Variants in CAMK1D observed in about 807,000 individuals in gnomAD.
CAMK1D encodes the protein calcium/calmodulin-dependent protein kinase type 1D.
Under a neutral mutation model 47.7 loss-of-function variants are expected in CAMK1D, and 9 were observed. The observed-to-expected ratio is 0.19, with a 90% CI of 0.11 to 0.33. The LOEUF is 0.33. Ranked by LOEUF, CAMK1D falls within the 10% of genes least tolerant of loss-of-function variation. The pLI is 1.00. For synonymous variants in CAMK1D, 184 were observed against 184.9 expected (o/e 0.99, Z 0.04); for missense variants, 291 against 488.7 (o/e 0.60, Z 3.81).
chr10:12,811,473 T>C (rs1588956461), intron 6 of CAMK1D, among the ~76,000 whole-genome samples: 1 of 152,212 alleles, frequency 6.6e-6, no homozygotes. Flanking sequence ...AATCCTTACT[T>C]TTAAATCTTT....
chr10:12,759,194 C>T (rs1305647198), intron 3 of CAMK1D, among the ~76,000 whole-genome samples: 3 of 152,120 alleles, frequency 2.0e-5, no homozygotes, highest in Non-Finnish European at 4.4e-5. Flanking sequence ...ACTAAAAATA[C>T]AAAAATTAGC....
At chr10:12,396,592 T>G (rs1227812839) in intron 1 of CAMK1D, among the ~76,000 whole-genome samples, 3 of 152,242 alleles carry the variant, frequency 2.0e-5, no homozygotes, top group African/African-American at 4.8e-5. Context: ...TCTTTTCTGT[T>G]GCTTTGCTAT....
At chr10:12,363,043 C>T (rs1397628546) in intron 1 of CAMK1D, among the ~76,000 whole-genome samples, 1 of 150,890 alleles carries the variant, frequency 6.6e-6, no homozygotes, top group Non-Finnish European at 1.5e-5. Flanking sequence ...CGGGTACAAG[C>T]AATTCTCCTG....
intron 3 of CAMK1D, among the ~76,000 whole-genome samples, chr10:12,748,797 C>T (rs572176711): frequency 6.6e-6 from 1 of 152,234 alleles, no homozygotes; most frequent in African/African-American, 2.4e-5. Flanking sequence ...CCCAGCTATT[C>T]GAGAGCCTGA....
intron 3 of CAMK1D, among the ~76,000 whole-genome samples, chr10:12,720,219 G>C (rs1256209284): frequency 6.6e-6 from 1 of 152,182 alleles, no homozygotes; most frequent in African/African-American, 2.4e-5. Flanking sequence ...TGTCACTCAG[G>C]ACTCATGACT....
At chr10:12,827,368 CTTTCTTTCTT>C (rs1429679664) in intron 10 of CAMK1D, among the ~76,000 whole-genome samples, 70 of 47,690 alleles carry the variant, frequency 1.5e-3, no homozygotes, top group African/African-American at 3.4e-3. Context: ...CTTTCTTTCT[CTTTCTTTCTT>C]TTTCTTTCCC....
intron 1 of CAMK1D, among the ~76,000 whole-genome samples, chr10:12,377,268 A>G (rs1345266287): frequency 6.6e-6 from 1 of 152,222 alleles, no homozygotes; most frequent in East Asian, 1.9e-4. Context: ...ACTTTTAAAA[A>G]AAGTGTATGA....
At chr10:12,709,664 G>C (rs1174408980) in intron 3 of CAMK1D, among the ~76,000 whole-genome samples, 1 of 152,172 alleles carries the variant, frequency 6.6e-6, no homozygotes, top group Non-Finnish European at 1.5e-5. Context: ...ATCTTGTATA[G>C]CTGTAGGATT....
chr10:12,575,557 T>A (rs2132325627), intron 2 of CAMK1D, among the ~76,000 whole-genome samples: 1 of 152,330 alleles, frequency 6.6e-6, no homozygotes, highest in South Asian at 2.1e-4. Flanking sequence ...AGCAGTGGTC[T>A]CCAAAGTGGG....
Position 12,553,257 on chromosome 10 carries a change from A to C in CAMK1D, c.125A>C (p.Glu42Ala), listed in dbSNP as rs1394762283. ...TTTTCCGAAGTGGTTTTAGCTGAAG[A>C]GAAGGCAACTGGCAAGCTCTTTGCT... ...GAFSEVVLAEEKATGKLFAVK... is the reference protein window; with the variant it reads ...GAFSEVVLAEAKATGKLFAVK... Residue 42 changes from glutamate (E) to alanine (A), a missense_variant, in exon 2 of 11, where the codon GAG (glutamate) becomes GCG (alanine). By Grantham distance (107) the Glu-to-Ala change is moderately radical (BLOSUM62 -1). Around this residue, in one of 2 missense-constraint regions of CAMK1D, gnomAD observed 219 missense variants for 424.3 expected, o/e 0.52. Transcript: ENST00000619168. The C allele has an allele frequency of 3.1e-6, 5 of 1,614,076 alleles. No homozygotes were observed. Among genetic ancestry groups the C allele is most frequent in the Non-Finnish European group, 4.2e-6 (5 of 1,180,042 alleles).
intron 6 of CAMK1D, among the ~76,000 whole-genome samples, chr10:12,813,127 C>G (rs1355435866): frequency 6.6e-6 from 1 of 152,166 alleles, no homozygotes; most frequent in African/African-American, 2.4e-5. Flanking sequence ...TCACTTGCAC[C>G]AGCATTAATA....
At chr10:12,602,132 C>T (rs1003091777) in intron 2 of CAMK1D, among the ~76,000 whole-genome samples, 7 of 152,234 alleles carry the variant, frequency 4.6e-5, no homozygotes, top group Non-Finnish European at 8.8e-5. Context: ...AAAACCACTG[C>T]TGCGTCTATC....
At chr10:12,623,803 G>T (rs76222735) in intron 2 of CAMK1D, among the ~76,000 whole-genome samples, 1 of 152,218 alleles carries the variant, frequency 6.6e-6, no homozygotes, top group East Asian at 1.9e-4. Flanking sequence ...TAAGGGCCGG[G>T]TGTGGTGGCT....
chr10:12,491,623 A>G (rs960359974), intron 1 of CAMK1D, among the ~76,000 whole-genome samples: 1 of 152,068 alleles, frequency 6.6e-6, no homozygotes, highest in Non-Finnish European at 1.5e-5. Context: ...CTCACCTATG[A>G]AGCGGTGAAA....
chr10:12,474,308 C>A (rs1833837962), intron 1 of CAMK1D, among the ~76,000 whole-genome samples: 1 of 150,880 alleles, frequency 6.6e-6, no homozygotes, highest in African/African-American at 2.4e-5. Context: ...ACACCATTCT[C>A]CTGCCTCAAC....
chr10:12,594,788 C>T (rs1310498302), intron 2 of CAMK1D, among the ~76,000 whole-genome samples: 2 of 152,112 alleles, frequency 1.3e-5, no homozygotes, highest in African/African-American at 2.4e-5. Flanking sequence ...GGAGGTTGAA[C>T]GTGTGGTTCT....
intron 2 of CAMK1D, among the ~76,000 whole-genome samples, chr10:12,639,506 C>T (rs1002820674): frequency 1.3e-5 from 2 of 152,070 alleles, no homozygotes; most frequent in East Asian, 3.9e-4. Context: ...ACAAACAAAC[C>T]TAATCAGAAC....
At chr10:12,815,305 T>C (rs1039527174) in intron 7 of CAMK1D, among the ~76,000 whole-genome samples, 7 of 152,170 alleles carry the variant, frequency 4.6e-5, no homozygotes, top group Non-Finnish European at 8.8e-5. Context: ...TAATATTCCA[T>C]CTCTACCACA....
intron 2 of CAMK1D, among the ~76,000 whole-genome samples, chr10:12,604,522 A>C (rs1010240864): frequency 6.6e-6 from 1 of 152,210 alleles, no homozygotes; most frequent in Non-Finnish European, 1.5e-5. Context: ...AGAACTTTCC[A>C]GAAGTACTTA....
Sources: gnomAD v4.1 joint callset for allele counts (sites outside exome capture counted in the v4.1 genomes callset) on GRCh38, gnomAD v4.1.1 for gene constraint, gnomAD v4.1.1 regional missense constraint, MANE v1.5 for transcripts, NCBI Gene and HGNC (gene_info 2026-07-23, HGNC 2026-07-21) for gene names.